Variants in NBAS observed in about 807,000 individuals in gnomAD.
NBAS encodes NAG/BC035112 fusion.
A neutral mutation model predicts 302.5 loss-of-function variants in NBAS; 219 were observed. The observed-to-expected ratio is 0.72, with a 90% CI of 0.65 to 0.81. The LOEUF (loss-of-function observed/expected upper bound fraction) is 0.81, where lower values mean the gene tolerates loss of function less well. NBAS is among the 30% of genes least tolerant of loss of function. NBAS has a pLI of 0.00. For synonymous variants in NBAS, 1,118 were observed against 1,021.6 expected, an observed-to-expected ratio of 1.09 and a Z score of -1.80; for missense variants, 2,932 against 2,841.6, an observed-to-expected ratio of 1.03 and a Z score of -0.72.
the NBAS span, among the ~76,000 whole-genome samples, chr2:15,161,078 A>C: frequency 2.9e-4 from 44 of 152,146 alleles, 2 homozygotes; most frequent in Non-Finnish European, 2.9e-5. Flanking sequence ...ATTCTCAAGG[A>C]GTGTGGAGTT....
chr2:15,333,488 C>T (rs549965293), intron 35 of NBAS, among the ~76,000 whole-genome samples: 3 of 152,066 alleles, frequency 2.0e-5, no homozygotes, highest in Non-Finnish European at 4.4e-5. Context: ...AACATTATTC[C>T]AGGAGCAAGA....
intron 40 of NBAS, among the ~76,000 whole-genome samples, chr2:15,296,119 C>T (rs1386780296): frequency 2.0e-5 from 3 of 152,128 alleles, no homozygotes; most frequent in Non-Finnish European, 2.9e-5. Flanking sequence ...TTGGGAACTC[C>T]ATGGAAGGAG....
chr2:14,817,953 C>T, the NBAS span, among the ~76,000 whole-genome samples: 1 of 152,018 alleles, frequency 6.6e-6, no homozygotes, highest in African/African-American at 2.4e-5. Context: ...TCGCTATTCT[C>T]CAGGATTCTT....
intron 16 of NBAS, among the ~76,000 whole-genome samples, chr2:15,470,719 T>A (rs965265297): frequency 6.6e-6 from 1 of 152,182 alleles, no homozygotes; most frequent in Non-Finnish European, 1.5e-5. Context: ...ATCACTATCT[T>A]CACTGGGTTT....
intron 6 of NBAS, among the ~76,000 whole-genome samples, chr2:15,541,746 G>C (rs1663834953): frequency 6.7e-6 from 1 of 150,364 alleles, no homozygotes; most frequent in South Asian, 2.1e-4. Context: ...AACTTCACGG[G>C]AGGGAGGTGG....
rs1342306247 is a variant in NBAS, at chr2:15,327,954, A to T, written c.4462-84T>A. 3.2e-5 allele frequency: 50 copies of T among 1,548,188 alleles called. No homozygotes were observed. The South Asian group carries it at 4.9e-4, about 15-fold the overall frequency. ...GCTTAGAAAACAATTATAGGATGTTATGTTTTCTGGTGACTTGAATAATAA... is the reference window on the plus strand; with the variant it reads ...GCTTAGAAAACAATTATAGGATGTTTTGTTTTCTGGTGACTTGAATAATAA... On this transcript the variant is annotated intron_variant, in intron 37 of 51. Coordinates refer to ENST00000281513, the MANE Select transcript of NBAS (RefSeq NM_015909.4).
At chr2:15,287,020 T>G in intron 42 of NBAS, 53 bp downstream of exon 42, 1 of 1,398,680 alleles carries the variant, frequency 7.1e-7, no homozygotes, top group Non-Finnish European at 1.0e-6. Flanking sequence ...TCTTCAAAAA[T>G]AGACTCTAAA....
At chr2:14,880,750 T>G in the NBAS span, among the ~76,000 whole-genome samples, 1 of 151,956 alleles carries the variant, frequency 6.6e-6, no homozygotes, top group Non-Finnish European at 1.5e-5. Flanking sequence ...GTAACAGAAC[T>G]AATATTTAAT....
intron 12 of NBAS, among the ~76,000 whole-genome samples, chr2:15,482,970 T>C (rs1680490720): frequency 6.6e-6 from 1 of 152,166 alleles, no homozygotes; most frequent in Non-Finnish European, 1.5e-5. Context: ...TAATATGCCA[T>C]CATTTTATAC....
At chr2:15,057,844 T>C in the NBAS span, among the ~76,000 whole-genome samples, 1 of 152,212 alleles carries the variant, frequency 6.6e-6, no homozygotes, top group East Asian at 1.9e-4. Flanking sequence ...TTGGGTTGGT[T>C]CCATGATTTT....
chr2:15,011,380 G>C, the NBAS span, among the ~76,000 whole-genome samples: 1 of 151,532 alleles, frequency 6.6e-6, no homozygotes, highest in South Asian at 2.1e-4. Context: ...AAAATTTGAA[G>C]AGCTAAAAAA....
chr2:14,824,765 G>A, the NBAS span, among the ~76,000 whole-genome samples: 3 of 152,080 alleles, frequency 2.0e-5, no homozygotes, highest in East Asian at 1.9e-4. Flanking sequence ...AGTAATCGGC[G>A]ATTGCGACTT....
At chr2:15,435,126 A>G (rs1677948445) in intron 21 of NBAS, among the ~76,000 whole-genome samples, 1 of 152,238 alleles carries the variant, frequency 6.6e-6, no homozygotes, top group South Asian at 2.1e-4. Context: ...ATATTCATGA[A>G]TTGTATCAGT....
the NBAS span, among the ~76,000 whole-genome samples, chr2:14,794,581 A>C: frequency 6.6e-6 from 1 of 152,170 alleles, no homozygotes; most frequent in Admixed American, 6.5e-5. Flanking sequence ...ATTTATATCA[A>C]TTTTTAAAAA....
chr2:15,363,495 T>C (rs565441552), intron 32 of NBAS, among the ~76,000 whole-genome samples: 105 of 152,316 alleles, frequency 6.9e-4, no homozygotes, highest in African/African-American at 2.1e-3. Context: ...TAAAGTCCAC[T>C]GATTATTATT....
chr2:15,319,856 T>A (rs1235270343), intron 38 of NBAS, among the ~76,000 whole-genome samples: 3 of 151,530 alleles, frequency 2.0e-5, no homozygotes, highest in African/African-American at 7.3e-5. Context: ...ACGATCCCAA[T>A]CAATAGAAAA....
chr2:15,278,662 A>C (rs1215341471), intron 42 of NBAS, among the ~76,000 whole-genome samples: 1 of 152,232 alleles, frequency 6.6e-6, no homozygotes, highest in South Asian at 2.1e-4. Flanking sequence ...ATAAAGACTT[A>C]CAGCATAGAG....
At chr2:15,093,887 C>T in the NBAS span, among the ~76,000 whole-genome samples, 7 of 152,096 alleles carry the variant, frequency 4.6e-5, no homozygotes, top group Non-Finnish European at 1.0e-4. Flanking sequence ...AATGAAAATA[C>T]ACTGCTCCTA....
chr2:15,460,719 A>C (rs1679467171), intron 21 of NBAS, among the ~76,000 whole-genome samples: 1 of 152,204 alleles, frequency 6.6e-6, no homozygotes, highest in African/African-American at 2.4e-5. Context: ...GTGAATTAAG[A>C]GGAGGATAAT....
Sources: allele counts gnomAD v4.1 joint callset (sites outside exome capture counted in the v4.1 genomes callset), GRCh38; gene constraint gnomAD v4.1.1; transcripts MANE v1.5; gene names NCBI Gene and HGNC (gene_info 2026-07-23, HGNC 2026-07-21).